Variants in HHLA2 observed in about 807,000 individuals in gnomAD.
The protein encoded by HHLA2 is HHLA2 member of B7 family.
A neutral mutation model predicts 45.9 loss-of-function variants in HHLA2; 48 were observed. The ratio of observed to expected loss-of-function variants is 1.05; its 90% CI spans 0.83 to 1.33. HHLA2 has a LOEUF of 1.33. Ranked by LOEUF, HHLA2 falls within the 40% of genes most tolerant of loss-of-function variation. The probability of loss-of-function intolerance (pLI) is 0.00; values close to 1 mark genes in which losing one functional copy is unlikely to be tolerated. For synonymous variants in HHLA2, 161 were observed against 173.9 expected, an observed-to-expected ratio of 0.93 and a Z score of 0.59; for missense variants, 462 against 494.3, an observed-to-expected ratio of 0.93 and a Z score of 0.62.
chr3:108,372,987 G>T (rs1394355189), intron 8 of HHLA2, among the ~76,000 whole-genome samples: 1 of 152,160 alleles, frequency 6.6e-6, no homozygotes, highest in African/African-American at 2.4e-5. Flanking sequence ...TATGAGGCCA[G>T]CATCATCCTG....
chr3:108,353,881 A>G (rs2081836465), intron 5 of HHLA2, 101 bp downstream of exon 4: 1 of 790,028 alleles, frequency 1.3e-6, no homozygotes, highest in South Asian at 1.9e-5. Flanking sequence ...TTCCAAGTCA[A>G]TACATGGAAA....
exon 3 of HHLA2, chr3:108,328,271 A>T: frequency 2.7e-6 from 4 of 1,467,196 alleles, no homozygotes; most frequent in East Asian, 2.6e-5. Context: ...TCCACACAGC[A>T]TGTAGGAGAA....
intron 1 of HHLA2, among the ~76,000 whole-genome samples, chr3:108,300,630 C>T (rs888643396): frequency 6.6e-6 from 1 of 152,134 alleles, no homozygotes; most frequent in Non-Finnish European, 1.5e-5. Flanking sequence ...TCTACAGCCA[C>T]TTCATTATCA....
intron 2 of HHLA2, among the ~76,000 whole-genome samples, chr3:108,323,156 T>C (rs2081233775): frequency 6.7e-6 from 1 of 148,938 alleles, no homozygotes; most frequent in Admixed American, 6.7e-5. Flanking sequence ...TGGGGGGCAG[T>C]GAGGTGGGGA....
At chr3:108,347,703 G>GACTA (rs1363859917) in intron 3 of HHLA2, among the ~76,000 whole-genome samples, 1 of 152,162 alleles carries the variant, frequency 6.6e-6, no homozygotes, top group Non-Finnish European at 1.5e-5. Context: ...GGTAAGAAGG[G>GACTA]ATAGTGGCTT....
chr3:108,367,050 TACCC>T (rs2082077075), intron 8 of HHLA2, among the ~76,000 whole-genome samples: 1 of 152,134 alleles, frequency 6.6e-6, no homozygotes, highest in South Asian at 2.1e-4. Flanking sequence ...CCACTGGTGA[TACCC>T]AGGCAAATAG....
At chr3:108,353,353 G>A in intron 4 of HHLA2, 74 bp from the exon 4 acceptor site, 1 of 916,852 alleles carries the variant, frequency 1.1e-6, no homozygotes, top group Non-Finnish European at 1.6e-6. Flanking sequence ...TAGTTCTTCT[G>A]GGTAGTTCTG....
chr3:108,331,365 G>T (rs2081382717), intron 3 of HHLA2, among the ~76,000 whole-genome samples: 1 of 152,198 alleles, frequency 6.6e-6, no homozygotes, highest in South Asian at 2.1e-4. Context: ...TCTCACTGAG[G>T]TTCATCCATT....
chr3:108,359,886 C>T (rs1245412045), intron 7 of HHLA2, among the ~76,000 whole-genome samples: 2 of 152,086 alleles, frequency 1.3e-5, no homozygotes, highest in Admixed American at 6.5e-5. Flanking sequence ...CCACATGGTA[C>T]GAGGATTAAT....
rs925544175 is a variant in HHLA2, at chr3:108,369,459, G to A, written c.1109-6291G>A. Reference sequence around the variant, plus strand: ...TCATCTCACTGGGGAGTGCCTGACAGTGGGTGCAGGACAGTGGGTGCAGTG... The same window carrying A: ...TCATCTCACTGGGGAGTGCCTGACAATGGGTGCAGGACAGTGGGTGCAGTG... On this transcript the variant is annotated intron_variant, in intron 8 of 10. Transcript: ENST00000619531. 2.6e-5 allele frequency among the ~76,000 whole-genome samples: 4 copies of A among 152,254 alleles called. No individual in the cohort carries two copies. The South Asian group carries it at 8.3e-4, about 32-fold the overall frequency.
exon 3 of HHLA2, chr3:108,328,327 G>A (rs555602346): frequency 6.5e-7 from 1 of 1,531,472 alleles, no homozygotes; most frequent in Non-Finnish European, 8.7e-7. Flanking sequence ...ATATACTAAA[G>A]CCTAGAACGC....
At chr3:108,317,559 T>C (rs959807169) in intron 2 of HHLA2, among the ~76,000 whole-genome samples, 1 of 151,268 alleles carries the variant, frequency 6.6e-6, no homozygotes, top group Non-Finnish European at 1.5e-5. Flanking sequence ...TAGCCTAGGA[T>C]AGTAGGGAGA....
At chr3:108,362,682 G>A (rs2082001925) in intron 8 of HHLA2, among the ~76,000 whole-genome samples, 1 of 152,098 alleles carries the variant, frequency 6.6e-6, no homozygotes, top group African/African-American at 2.4e-5. Flanking sequence ...CTATATACAA[G>A]CATATTCACT....
rs555282623 is a variant in HHLA2 at position 108,341,578 on chromosome 3, ATTTG to A, written c.-26-10206_-26-10203del. Among the ~76,000 whole-genome samples the A allele has an allele frequency of 4.8e-3, 700 of 146,062 alleles. 4 individuals carry two copies. The highest frequency in any genetic ancestry group is 0.017 in the African/African-American group (668 of 38,456). On this transcript the variant is annotated intron_variant, in intron 3 of 10. Transcript: ENST00000619531. ...TCAACATTTTGTTGTGAAAGGAGAC[ATTTG>A]TTTTTCATTGATTTATTTAAACAAA...
chr3:108,347,917 A>G (rs776840173), intron 3 of HHLA2, among the ~76,000 whole-genome samples: 3 of 152,116 alleles, frequency 2.0e-5, no homozygotes, highest in African/African-American at 4.8e-5. Flanking sequence ...AAAGAACAGG[A>G]TAGTTTCTGC....
intron 9 of HHLA2, 28 bp from the exon 9 acceptor site, chr3:108,376,463 ATT>A: frequency 6.3e-7 from 1 of 1,577,574 alleles, no homozygotes; most frequent in Non-Finnish European, 8.6e-7. Flanking sequence ...CAAAGAAATT[ATT>A]TTTAAGTTCT....
intron 6 of HHLA2, among the ~76,000 whole-genome samples, chr3:108,357,089 G>A (rs2081906389): frequency 1.3e-5 from 2 of 152,188 alleles, no homozygotes; most frequent in Admixed American, 6.5e-5. Flanking sequence ...TTGGAGGTAG[G>A]ATAGATCAGA....
chr3:108,330,664 G>A (rs752530896), intron 3 of HHLA2, among the ~76,000 whole-genome samples: 16 of 151,950 alleles, frequency 1.1e-4, no homozygotes, highest in Non-Finnish European at 2.2e-4. Flanking sequence ...CAGTGCTACC[G>A]CTGCAAGGAA....
intron 3 of HHLA2, among the ~76,000 whole-genome samples, chr3:108,346,272 G>C (rs1347220015): frequency 6.6e-6 from 1 of 152,170 alleles, no homozygotes; most frequent in East Asian, 1.9e-4. Flanking sequence ...AACATCAGGA[G>C]AGATATTTTG....
Sources: gnomAD v4.1 joint callset for allele counts (sites outside exome capture counted in the v4.1 genomes callset) on GRCh38, gnomAD v4.1.1 for gene constraint, MANE v1.5 for transcripts, NCBI Gene and HGNC (gene_info 2026-07-23, HGNC 2026-07-21) for gene names.